ZNF532: variants seen among roughly 807,000 people sequenced by gnomAD.
The protein encoded by ZNF532 is zinc finger protein 532.
ZNF532 carries 22 observed loss-of-function variants against 89.3 expected under a neutral mutation model. The ratio of observed to expected loss-of-function variants is 0.25; its 90% CI spans 0.18 to 0.35. The LOEUF is 0.35. Ranked by LOEUF, ZNF532 falls within the 10% of genes least tolerant of loss-of-function variation. The pLI is 1.00. For missense variants in ZNF532, 1,132 were observed against 1,643.4 expected (o/e 0.69, Z 5.38); for synonymous variants, 606 against 649.6 (o/e 0.93, Z 1.02).
At position 58,918,683 on chromosome 18, in the gene ZNF532, C is replaced by T. The variant is rs767186983; in HGVS notation, c.396C>T (p.Ile132=). ...KDSTFSQFSP[I]SSAEEFDDDE... ...CGACATTCAGCCAGTTTAGCCCGAT[C>T]TCCAGTGCTGAAGAGTTTGATGACG... Residue 132 remains isoleucine (I), a synonymous_variant, in exon 3 of 10, where the codon ATC becomes ATT. Coordinates refer to ENST00000591808, the MANE Select transcript of ZNF532 (RefSeq NM_001375912.1). The T allele has an allele frequency of 6.2e-7, 1 of 1,614,172 alleles. No homozygotes were observed. The highest frequency in any genetic ancestry group is 1.1e-5 in the South Asian group (1 of 91,082).
intron 2 of ZNF532, among the ~76,000 whole-genome samples, chr18:58,882,107 A>G (rs911086845): frequency 1.3e-5 from 2 of 152,216 alleles, no homozygotes; most frequent in East Asian, 1.9e-4. Flanking sequence ...TATTAGGTGC[A>G]CGCTGCCATG....
At chr18:58,976,892 C>CTGTTGTTTATTGAAATACAGAA (rs2067121750) in intron 7 of ZNF532, among the ~76,000 whole-genome samples, 1 of 152,246 alleles carries the variant, frequency 6.6e-6, no homozygotes, top group Non-Finnish European at 1.5e-5. Flanking sequence ...GAAATACAGA[C>CTGTTGTTTATTGAAATACAGAA]CTGTTGTTCA....
chr18:58,924,245 C>G (rs935673848), intron 3 of ZNF532, among the ~76,000 whole-genome samples: 2 of 152,180 alleles, frequency 1.3e-5, no homozygotes, highest in Non-Finnish European at 2.9e-5. Context: ...GAAGAGTATA[C>G]CAGTCTACAC....
At chr18:58,908,773 A>T (rs962390984) in intron 2 of ZNF532, among the ~76,000 whole-genome samples, 1 of 152,220 alleles carries the variant, frequency 6.6e-6, no homozygotes, top group Non-Finnish European at 1.5e-5. Context: ...GACTACTGAC[A>T]TCCGTGTTTT....
rs180735838 is a variant in ZNF532, at chr18:58,906,066, A to G, written c.-17-12205A>G. ...GGACATACTGTCCGTGTAACTTACC[A>G]CAGTTGATGCTGACCTTGACCACCT... On this transcript the variant is annotated intron_variant, in intron 2 of 9. Transcript: ENST00000591808. Among the ~76,000 whole-genome samples, 4 of 152,176 alleles carry G rather than the reference A, an allele frequency of 2.6e-5. No individual in the cohort carries two copies. In the East Asian group the frequency reaches 7.7e-4, roughly 29 times the overall value.
At chr18:58,963,187 G>A (rs2065535775) in intron 7 of ZNF532, among the ~76,000 whole-genome samples, 1 of 152,174 alleles carries the variant, frequency 6.6e-6, no homozygotes, top group Non-Finnish European at 1.5e-5. Context: ...TAGTAAGTCT[G>A]TTCAATATAA....
chr18:58,938,202 C>G (rs533581807), intron 4 of ZNF532, among the ~76,000 whole-genome samples: 56 of 152,306 alleles, frequency 3.7e-4, no homozygotes, highest in Non-Finnish European at 5.9e-4. Flanking sequence ...TCTTCCTTCC[C>G]TGGGTAGCTC....
At chr18:58,934,297 TC>T in intron 3 of ZNF532, 135 bp from the exon 4 acceptor site, 1 of 791,408 alleles carries the variant, frequency 1.3e-6, no homozygotes, top group Non-Finnish European at 2.0e-6. Flanking sequence ...AGTTGGCTTT[TC>T]CCTTGGGCTT....
chr18:58,969,374 C>T (rs977692626), intron 7 of ZNF532, among the ~76,000 whole-genome samples: 1 of 152,156 alleles, frequency 6.6e-6, no homozygotes, highest in Non-Finnish European at 1.5e-5. Flanking sequence ...ACTCTCATAC[C>T]CTTTCTTCAT....
chr18:58,959,028 G>A (rs1367794636), intron 7 of ZNF532, among the ~76,000 whole-genome samples: 1 of 152,158 alleles, frequency 6.6e-6, no homozygotes, highest in Non-Finnish European at 1.5e-5. Flanking sequence ...ATGTGAGCCA[G>A]TATTAAAATT....
chr18:58,971,892 A>G (rs912053615), intron 7 of ZNF532, among the ~76,000 whole-genome samples: 1 of 152,236 alleles, frequency 6.6e-6, no homozygotes, highest in Non-Finnish European at 1.5e-5. Context: ...GTGCAACAGA[A>G]TACAATACAC....
intron 5 of ZNF532, among the ~76,000 whole-genome samples, chr18:58,943,694 C>A (rs1032073506): frequency 1.3e-5 from 2 of 152,124 alleles, no homozygotes; most frequent in African/African-American, 4.8e-5. Context: ...ATCTCTTTAC[C>A]TTGTGATCCG....
intron 3 of ZNF532, among the ~76,000 whole-genome samples, chr18:58,926,694 T>G (rs1458911795): frequency 6.6e-6 from 1 of 152,234 alleles, no homozygotes; most frequent in East Asian, 1.9e-4. Context: ...GTTAGATTTC[T>G]TTTTTCAAAC....
At chr18:58,894,467 CAAA>C (rs149027291) in intron 2 of ZNF532, among the ~76,000 whole-genome samples, 70 of 77,852 alleles carry the variant, frequency 9.0e-4, no homozygotes, top group Non-Finnish European at 1.6e-3. Flanking sequence ...GACTCCATCT[CAAA>C]AAAAAAAAAA....
At chr18:58,983,300 G>A (rs1603356193) in intron 9 of ZNF532, among the ~76,000 whole-genome samples, 1 of 152,100 alleles carries the variant, frequency 6.6e-6, no homozygotes, top group Non-Finnish European at 1.5e-5. Flanking sequence ...TGAAGGTGAG[G>A]AGGCAGGAAA....
chr18:58,863,744 G>A (rs1423221957), upstream of ZNF532: 4 of 151,990 alleles, frequency 2.6e-5, no homozygotes, highest in Admixed American at 2.6e-4. Context: ...CCAACCCCGG[G>A]AAGGGGGTGG....
Position 58,939,196 on chromosome 18 carries a change from G to A in ZNF532, c.2529-249G>A, listed in dbSNP as rs546665409. Among the ~76,000 whole-genome samples the A allele has an allele frequency of 1.0e-4, 14 of 134,218 alleles. 1 individual carries two copies. Among genetic ancestry groups the A allele is most frequent in the South Asian group, 9.4e-4 (4 of 4,276 alleles). 88.1% of individuals were successfully genotyped at this position (134,218 alleles called of 152,430 possible). ...TGGGAGGTGGAGGTTGCAATGAGCC[G>A]GGATCACACCACTGCACTCCAGCCT... On this transcript the variant is annotated intron_variant, in intron 4 of 9. Coordinates refer to ENST00000591808, the MANE Select transcript of ZNF532 (RefSeq NM_001375912.1).
At chr18:58,899,207 A>G (rs916051570) in intron 2 of ZNF532, among the ~76,000 whole-genome samples, 4 of 152,312 alleles carry the variant, frequency 2.6e-5, no homozygotes, top group Admixed American at 2.6e-4. Flanking sequence ...CACCTCTTGT[A>G]TTGGGCCAGC....
intron 2 of ZNF532, among the ~76,000 whole-genome samples, chr18:58,899,961 C>T (rs555147697): frequency 6.6e-6 from 1 of 152,316 alleles, no homozygotes; most frequent in Non-Finnish European, 1.5e-5. Context: ...AAAGTTCCTT[C>T]ATAACTTCCT....
Sources: gnomAD v4.1 joint callset for allele counts (sites outside exome capture counted in the v4.1 genomes callset) on GRCh38, gnomAD v4.1.1 for gene constraint, MANE v1.5 for transcripts, NCBI Gene and HGNC (gene_info 2026-07-23, HGNC 2026-07-21) for gene names.